The following IQCE variants were observed in gnomAD, a reference collection of about 807,000 sequenced individuals.
IQCE encodes IQ domain-containing protein E.
A neutral mutation model predicts 96.0 loss-of-function variants in IQCE; 115 were observed. The observed-to-expected ratio is 1.20, with a 90% CI of 1.03 to 1.40. The LOEUF (loss-of-function observed/expected upper bound fraction) is 1.40. Ranked by LOEUF, IQCE falls within the 40% of genes most tolerant of loss-of-function variation. IQCE has a pLI of 0.00. For synonymous variants in IQCE, 412 were observed against 371.2 expected (o/e 1.11, Z -1.26); for missense variants, 1,041 against 909.1 (o/e 1.15, Z -1.87).
At chr7:2,607,650 C>A in intron 21 of IQCE, 4 of 764,078 alleles carry the variant, frequency 5.2e-6, no homozygotes, top group Non-Finnish European at 6.6e-6. Flanking sequence ...CATCCCTGCT[C>A]TGCCCGGAGC....
chr7:2,589,970 G>A lies in IQCE; in HGVS notation c.1108G>A (p.Ala370Thr). The part of the protein sequence containing the change: ...AAEPVRSHPP[A>T]CLASSSALHR... Reference sequence around the variant, plus strand: ...AGAGCCAGTCAGATCACACCCGCCAGCCTGCCTTGCATCCAGCTCTGCGCT... The same window carrying A: ...AGAGCCAGTCAGATCACACCCGCCAACCTGCCTTGCATCCAGCTCTGCGCT... Residue 370 changes from alanine (A) to threonine (T), a missense_variant, in exon 14 of 22, where the codon GCC (alanine) becomes ACC (threonine). Ala to Thr is a moderately conservative substitution (Grantham distance 58, BLOSUM62 0). Transcript: ENST00000402050. The A allele has an allele frequency of 6.2e-7, 1 of 1,614,006 alleles. No individual in the cohort carries two copies. The highest frequency in any genetic ancestry group is 8.5e-7 in the Non-Finnish European group (1 of 1,180,034).
intron 12 of IQCE, 124 bp downstream of exon 12, chr7:2,586,495 C>A: frequency 2.8e-6 from 3 of 1,054,008 alleles, no homozygotes; most frequent in Non-Finnish European, 2.7e-6. Context: ...CCTTGGGCAA[C>A]GCCAGTTCCC....
intron 13 of IQCE, among the ~76,000 whole-genome samples, chr7:2,589,343 G>C (rs1783390928): frequency 6.6e-6 from 1 of 152,118 alleles, no homozygotes; most frequent in Admixed American, 6.5e-5. Context: ...CTAGGTGACA[G>C]AGCCAGACCC....
At chr7:2,571,053 T>C (rs764962805) in intron 3 of IQCE, among the ~76,000 whole-genome samples, 1 of 152,036 alleles carries the variant, frequency 6.6e-6, no homozygotes, top group Non-Finnish European at 1.5e-5. Flanking sequence ...AAGAAAAGCC[T>C]GTTACCCAGG....
Position 2,586,050 on chromosome 7 carries a change from A to G in IQCE, c.825-158A>G, listed in dbSNP as rs185103547. 2.0e-3 allele frequency among the ~76,000 whole-genome samples: 302 copies of G among 152,242 alleles called. 4 individuals are homozygous for G. Among genetic ancestry groups the G allele is most frequent in the African/African-American group, 7.3e-3 (302 of 41,506 alleles). On this transcript the variant is annotated intron_variant, in intron 11 of 21. Coordinates refer to ENST00000402050, the MANE Select transcript of IQCE (RefSeq NM_152558.5). ...TAACATTTTGCTTATTTAGAGTTCAAAGTTATTACTGCCTATTCGATTTCA... is the reference window on the plus strand; with the variant it reads ...TAACATTTTGCTTATTTAGAGTTCAGAGTTATTACTGCCTATTCGATTTCA...
At chr7:2,592,964 C>G in intron 14 of IQCE, 58 bp from the exon 15 acceptor site, 5 of 1,535,562 alleles carry the variant, frequency 3.3e-6, no homozygotes, top group Non-Finnish European at 3.5e-6. Flanking sequence ...TGCCTTCCTG[C>G]TCTGACATAA....
At chr7:2,578,017 CGCGCGGGGACGTGTGTGCGGCGTGT>C (rs1342978946) in intron 6 of IQCE, among the ~76,000 whole-genome samples, 200 bp from the exon 7 acceptor site, 4 of 141,268 alleles carry the variant, frequency 2.8e-5, no homozygotes, top group Non-Finnish European at 6.1e-5. Flanking sequence ...CTTGGCTGTG[CGCGCGGGGACGTGTGTGCGGCGTGT>C]GCGCATTGGC....
chr7:2,565,741 A>G (rs1420476469), intron 1 of IQCE, among the ~76,000 whole-genome samples: 1 of 152,198 alleles, frequency 6.6e-6, no homozygotes, highest in African/African-American at 2.4e-5. Flanking sequence ...ACTTCTCTCT[A>G]TAATTGTCAT....
chr7:2,564,688 T>C (rs952185163), intron 1 of IQCE, among the ~76,000 whole-genome samples: 4 of 152,238 alleles, frequency 2.6e-5, no homozygotes, highest in African/African-American at 9.6e-5. Flanking sequence ...TGAATGATTT[T>C]CTCTTTTAAT....
At chr7:2,561,730 TA>T (rs1780981746) in intron 1 of IQCE, among the ~76,000 whole-genome samples, 1 of 152,226 alleles carries the variant, frequency 6.6e-6, no homozygotes, top group Non-Finnish European at 1.5e-5. Flanking sequence ...CTTACAATAA[TA>T]TTTTTATATG....
chr7:2,584,169 T>C, intron 10 of IQCE, 67 bp from the exon 11 acceptor site: 2 of 1,398,904 alleles, frequency 1.4e-6, no homozygotes, highest in Admixed American at 3.3e-5. Flanking sequence ...GTGATGTTGG[T>C]CTTTTCAGAT....
intron 16 of IQCE, 111 bp downstream of exon 16, chr7:2,595,087 C>T: frequency 1.3e-6 from 1 of 751,188 alleles, no homozygotes; most frequent in African/African-American, 1.7e-5. Context: ...CTGAAAATCC[C>T]ACTCCCCTTT....
At chr7:2,600,122 C>T (rs139341311) in intron 17 of IQCE, among the ~76,000 whole-genome samples, 1 of 151,604 alleles carries the variant, frequency 6.6e-6, no homozygotes, top group Non-Finnish European at 1.5e-5. Context: ...AAGACATTTT[C>T]TTTGGCAATG....
chr7:2,570,919 G>A (rs1781707566), intron 3 of IQCE, among the ~76,000 whole-genome samples: 2 of 152,190 alleles, frequency 1.3e-5, no homozygotes, highest in Non-Finnish European at 2.9e-5. Flanking sequence ...CACTGTGGCT[G>A]TGAGTGTGTA....
At chr7:2,586,639 C>A (rs1783140606) in intron 12 of IQCE, among the ~76,000 whole-genome samples, 1 of 152,184 alleles carries the variant, frequency 6.6e-6, no homozygotes, top group South Asian at 2.1e-4. Context: ...TGACATGTGT[C>A]AGATGGCTGT....
At chr7:2,582,070 A>G (rs1216337974) in intron 8 of IQCE, 2 of 467,442 alleles carry the variant, frequency 4.3e-6, no homozygotes, top group Non-Finnish European at 8.8e-6. Context: ...ACATTCACAG[A>G]AAAGGAGGTG....
At chr7:2,575,866 C>T (rs1034994621) in intron 6 of IQCE, among the ~76,000 whole-genome samples, 3 of 152,164 alleles carry the variant, frequency 2.0e-5, no homozygotes, top group African/African-American at 4.8e-5. Flanking sequence ...CCGGCCCATC[C>T]GCCTCCTTCT....
At chr7:2,580,735 A>G (rs756892269) in intron 8 of IQCE, among the ~76,000 whole-genome samples, 1 of 152,118 alleles carries the variant, frequency 6.6e-6, no homozygotes, top group Non-Finnish European at 1.5e-5. Flanking sequence ...AATAAAAAAA[A>G]AGAAAGATGC....
At chr7:2,592,351 G>A (rs749033949) in intron 14 of IQCE, among the ~76,000 whole-genome samples, 1 of 152,252 alleles carries the variant, frequency 6.6e-6, no homozygotes, top group Non-Finnish European at 1.5e-5. Flanking sequence ...TAGTCATTAT[G>A]AAAGGTAAAT....
Sources: allele counts gnomAD v4.1 joint callset (sites outside exome capture counted in the v4.1 genomes callset), GRCh38; gene constraint gnomAD v4.1.1; transcripts MANE v1.5; gene names NCBI Gene and HGNC (gene_info 2026-07-23, HGNC 2026-07-21).